Variants in DHRS12 observed in about 807,000 individuals in gnomAD.
The protein encoded by DHRS12 is dehydrogenase/reductase 12, also known as dehydrogenase/reductase SDR family member 12.
In DHRS12, 29 loss-of-function variants were observed where a neutral mutation model predicts 32.1. The ratio of observed to expected loss-of-function variants is 0.90; its 90% confidence interval spans 0.67 to 1.23. The LOEUF (loss-of-function observed/expected upper bound fraction) is 1.23. Among genes scored for constraint, DHRS12 ranks in the 50% most tolerant of loss-of-function variants. The probability of loss-of-function intolerance (pLI) is 0.00; values close to 1 mark genes in which losing one functional copy is unlikely to be tolerated. For missense variants in DHRS12, 330 were observed against 337.2 expected, an observed-to-expected ratio of 0.98 and a Z score of 0.17; for synonymous variants, 150 against 135.9, an observed-to-expected ratio of 1.10 and a Z score of -0.72.
At chr13:51,774,437 T>C (rs1204366647) in intron 5 of DHRS12, 14 of 97,166 alleles carry the variant, frequency 1.4e-4, no homozygotes, top group Non-Finnish European at 1.1e-4. Context: ...TTCTCCTACA[T>C]GTATTCTCCT....
downstream of DHRS12, chr13:51,767,776 TGGGGCGGGGG>T (rs778511983): frequency 0.028 from 886 of 32,098 alleles, 12 homozygotes; most frequent in South Asian, 0.07. Flanking sequence ...AGCCCTCTCC[TGGGGCGGGGG>T]GGGGGGGGGG....
intron 4 of DHRS12, among the ~76,000 whole-genome samples, chr13:51,787,868 A>ACT (rs202228274): frequency 8.8e-6 from 1 of 114,284 alleles, no homozygotes; most frequent in Non-Finnish European, 1.7e-5. Context: ...ATAATATATA[A>ACT]ATATATAATT....
chr13:51,776,098 T>TTCTC lies in DHRS12; in HGVS notation c.363+961_363+962insGAGA, dbSNP rs1277444556. The TTCTC allele has an allele frequency of 3.7e-4, 23 of 62,718 alleles. 3 individuals carry two copies. The highest frequency in any genetic ancestry group is 6.5e-4 in the Non-Finnish European group (19 of 29,018). The allele number at this position is 62,718 out of a possible 1,614,324, so 3.9% of individuals were successfully genotyped here. Reference sequence around the variant, plus strand: ...CCTACATGTATTCTCCTACATGTATTCTACAGTATTCTCCTACATGTATTC... The same window carrying TTCTC: ...CCTACATGTATTCTCCTACATGTATTTCTCCTACAGTATTCTCCTACATGTATTC... On this transcript the variant is annotated intron_variant, in intron 5 of 8. Transcript: ENST00000444610.
At chr13:51,802,205 ACACACACACACAC>A (rs771640858) in intron 1 of DHRS12, among the ~76,000 whole-genome samples, 6,543 of 140,822 alleles carry the variant, frequency 0.046, 261 homozygotes, top group African/African-American at 0.11. Context: ...ACACACACAC[ACACACACACACAC>A]GACTTTCCCA....
At chr13:51,772,708 C>T in intron 6 of DHRS12, 1 of 985,510 alleles carries the variant, frequency 1.0e-6, no homozygotes, top group Non-Finnish European at 1.2e-6. Context: ...TGCAGTCACA[C>T]TATTGCCCCA....
chr13:51,755,528 A>G, the DHRS12 span: 1 of 1,474,998 alleles, frequency 6.8e-7, no homozygotes, highest in East Asian at 2.3e-5. Context: ...ATCTTAGAAG[A>G]AATAACACCC....
intron 1 of DHRS12, among the ~76,000 whole-genome samples, chr13:51,802,890 G>C (rs1256189779): frequency 2.7e-5 from 4 of 150,612 alleles, no homozygotes; most frequent in Non-Finnish European, 5.9e-5. Flanking sequence ...AAATCAGAGC[G>C]AAAGAGTCCT....
rs1955660316 is a variant in DHRS12 at position 51,799,577 on chromosome 13, G to A, written c.83C>T (p.Thr28Ile). ...GGGCAGTTGCTTTGCCAATGCCGCTGTTTCCTCCAGTGACCAAAAAGACTC... is the reference window on the plus strand; with the variant it reads ...GGGCAGTTGCTTTGCCAATGCCGCTATTTCCTCCAGTGACCAAAAAGACTC... The part of the protein sequence containing the change: ...LEESFWSLEE[T>I]AALAKQLPLK... Residue 28 changes from threonine (T) to isoleucine (I), a missense_variant, in exon 2 of 9, where the codon ACA (threonine) becomes ATA (isoleucine). By Grantham distance (89) the Thr-to-Ile change is moderately conservative (BLOSUM62 -1). Coordinates refer to ENST00000444610, the MANE Select transcript of DHRS12 (RefSeq NM_001377533.1). The A allele has an allele frequency of 1.9e-6, 3 of 1,614,136 alleles. No individual in the cohort carries two copies. The highest frequency in any genetic ancestry group is 4.5e-5 in the East Asian group (2 of 44,882).
chr13:51,765,243 G>T (rs576047877), downstream of DHRS12: 17 of 152,346 alleles, frequency 1.1e-4, no homozygotes, highest in Admixed American at 3.3e-4. Flanking sequence ...AGAAACATCT[G>T]CATTCCTGTT....
At chr13:51,799,471 A>G in intron 2 of DHRS12, 63 bp downstream of exon 2, 2 of 1,596,996 alleles carry the variant, frequency 1.3e-6, no homozygotes, top group Non-Finnish European at 1.7e-6. Context: ...TGCCCTCCTC[A>G]GTGTGGACCG....
chr13:51,803,730 C>A (rs1955861253), intron 1 of DHRS12: 4 of 236,356 alleles, frequency 1.7e-5, no homozygotes, highest in East Asian at 8.1e-5. Flanking sequence ...GCACACCCAG[C>A]GGGGCGCCGA....
At chr13:51,788,274 C>T (rs565949894) in intron 4 of DHRS12, among the ~76,000 whole-genome samples, 1 of 152,216 alleles carries the variant, frequency 6.6e-6, no homozygotes, top group South Asian at 2.1e-4. Context: ...AGTTATGAGC[C>T]AAACTCTAGC....
Position 51,768,205 on chromosome 13 carries a change from C to A in DHRS12, c.789G>T (p.Leu263=). ...EEKLIEILEQ[L]AQTFK ...GGTTGGCCTATTTAAATGTCTGAGC[C>A]AGCTGTTCCAGGATTTCAATGAGTT... The change falls in exon 9 of 9, where the codon CTG becomes CTT. Residue 263 remains leucine, a synonymous_variant. Coordinates refer to ENST00000444610, the MANE Select transcript of DHRS12 (RefSeq NM_001377533.1). 1.3e-6 allele frequency: 2 copies of A among 1,536,170 alleles called. No individual in the cohort carries two copies. The highest frequency in any genetic ancestry group is 1.7e-6 in the Non-Finnish European group (2 of 1,146,924).
chr13:51,791,824 G>C (rs2139306507), intron 2 of DHRS12, among the ~76,000 whole-genome samples: 1 of 152,244 alleles, frequency 6.6e-6, no homozygotes, highest in East Asian at 1.9e-4. Flanking sequence ...TGAGTACTAT[G>C]GCTACCTCAC....
chr13:51,781,795 G>A lies in DHRS12; in HGVS notation c.302-4674C>T, dbSNP rs143178888. Among the ~76,000 whole-genome samples the A allele has an allele frequency of 1.1e-4, 16 of 152,306 alleles. No homozygotes were observed. The East Asian group carries it at 1.9e-3, about 18-fold the overall frequency. On this transcript the variant is annotated intron_variant, in intron 4 of 8. Coordinates refer to ENST00000444610, the MANE Select transcript of DHRS12 (RefSeq NM_001377533.1). ...CCTCCAAGGGCAACGCCAGAGACACGCACCTCATATGAAACCAAGGGGTGA... is the reference window on the plus strand; with the variant it reads ...CCTCCAAGGGCAACGCCAGAGACACACACCTCATATGAAACCAAGGGGTGA...
downstream of DHRS12, chr13:51,767,776 TGGGGCGG>T (rs1450961530): frequency 3.7e-3 from 120 of 32,128 alleles, 8 homozygotes; most frequent in Middle Eastern, 0.047. Flanking sequence ...AGCCCTCTCC[TGGGGCGG>T]GGGGGGGGGG....
intron 5 of DHRS12, chr13:51,776,016 A>AG (rs1954348847): frequency 3.7e-5 from 3 of 80,940 alleles, no homozygotes; most frequent in Admixed American, 1.4e-4. Context: ...ATTCTCCTAC[A>AG]TGTATTCTCC....
Position 51,773,165 on chromosome 13 carries a change from G to C in DHRS12, c.468+765C>G, listed in dbSNP as rs557668844. 2.4e-5 allele frequency: 19 copies of C among 776,900 alleles called. No individual in the cohort carries two copies. The African/African-American group carries it at 3.6e-4, about 15-fold the overall frequency. The allele number at this position is 776,900 out of a possible 1,614,324, so 48.1% of individuals were successfully genotyped here. A position where few individuals can be genotyped will look rare whatever the true frequency, so the allele number is the denominator to read the frequency against. On this transcript the variant is annotated intron_variant, in intron 6 of 8. Coordinates refer to ENST00000444610, the MANE Select transcript of DHRS12 (RefSeq NM_001377533.1). ...CCTTCATCTGAAATGCTGAGGCCCAGAAGTGTTTCAAGTTTCAGATTTTTT... is the reference window on the plus strand; with the variant it reads ...CCTTCATCTGAAATGCTGAGGCCCACAAGTGTTTCAAGTTTCAGATTTTTT...
chr13:51,773,590 G>A (rs900475486), intron 6 of DHRS12, among the ~76,000 whole-genome samples: 6 of 151,986 alleles, frequency 3.9e-5, no homozygotes, highest in African/African-American at 4.8e-5. Flanking sequence ...GCCAAGAGCC[G>A]CCCAAAGGAG....
Sources: gnomAD v4.1 joint callset for allele counts (sites outside exome capture counted in the v4.1 genomes callset) on GRCh38, gnomAD v4.1.1 for gene constraint, MANE v1.5 for transcripts, NCBI Gene and HGNC (gene_info 2026-07-23, HGNC 2026-07-21) for gene names.